FILIP1L: variants seen among roughly 807,000 people sequenced by gnomAD.
FILIP1L encodes the protein filamin A-interacting protein 1-like.
In FILIP1L, 55 loss-of-function variants were observed where a neutral mutation model predicts 96.6. That is an observed-to-expected ratio of 0.57 (90% CI 0.46 to 0.71). The LOEUF (loss-of-function observed/expected upper bound fraction) is 0.71, where lower values mean the gene tolerates loss of function less well. Ranked by LOEUF, FILIP1L falls within the 30% of genes least tolerant of loss-of-function variation. The pLI is 0.00. For synonymous variants in FILIP1L, 467 were observed against 473.9 expected (o/e 0.99, Z 0.19); for missense variants, 1,304 against 1,321.2 (o/e 0.99, Z 0.20).
chr3:100,064,047 G>A (rs549102668), intron 1 of FILIP1L, among the ~76,000 whole-genome samples: 50 of 152,326 alleles, frequency 3.3e-4, no homozygotes, highest in African/African-American at 1.2e-3. Flanking sequence ...TCTAGAAGCA[G>A]GTGGAAGAGT....
chr3:99,996,144 C>T (rs1022284432), intron 1 of FILIP1L, among the ~76,000 whole-genome samples: 6 of 152,178 alleles, frequency 3.9e-5, no homozygotes, highest in African/African-American at 1.4e-4. Flanking sequence ...ATAACAGCAC[C>T]CAGGTCACCT....
At chr3:100,081,058 C>G (rs1464885679) in intron 1 of FILIP1L, among the ~76,000 whole-genome samples, 3 of 152,324 alleles carry the variant, frequency 2.0e-5, no homozygotes, top group Non-Finnish European at 4.4e-5. Context: ...TTTAGACACT[C>G]TCAACAGCCA....
chr3:100,034,044 A>G (rs2065065184), intron 1 of FILIP1L, among the ~76,000 whole-genome samples: 1 of 152,230 alleles, frequency 6.6e-6, no homozygotes, highest in Non-Finnish European at 1.5e-5. Flanking sequence ...TCAACCCGCC[A>G]TGCGTTATTT....
At chr3:99,965,751 G>A (rs559617623) in intron 1 of FILIP1L, among the ~76,000 whole-genome samples, 10 of 152,322 alleles carry the variant, frequency 6.6e-5, no homozygotes, top group African/African-American at 2.2e-4. Flanking sequence ...TAGGTTAAAT[G>A]AAGGTTACCA....
At chr3:99,944,707 T>G (rs1194326563) in intron 1 of FILIP1L, among the ~76,000 whole-genome samples, 1 of 152,234 alleles carries the variant, frequency 6.6e-6, no homozygotes, top group Non-Finnish European at 1.5e-5. Flanking sequence ...AAGCCTACTT[T>G]CTAATGCCTG....
At chr3:100,079,390 TA>T (rs2065898515) in intron 1 of FILIP1L, among the ~76,000 whole-genome samples, 1 of 152,264 alleles carries the variant, frequency 6.6e-6, no homozygotes, top group African/African-American at 2.4e-5. Flanking sequence ...AGTTGCTTAG[TA>T]AATATTTGTT....
chr3:99,851,038 G>C lies in FILIP1L; in HGVS notation c.638C>G (p.Ser213Cys). The C allele has an allele frequency of 1.3e-6, 2 of 1,597,272 alleles. No homozygotes were observed. Among genetic ancestry groups the C allele is most frequent in the South Asian group, 2.3e-5 (2 of 87,656 alleles). ...CTTTTCTTGCTCCTTCTCCTCCTGA[G>C]ACTTGATTTCTTGATCAATTAGCTT... Reference protein sequence around the residue: ...LKKLIDQEIKSQEEKEQEKEK... With the variant: ...LKKLIDQEIKCQEEKEQEKEK... Residue 213 changes from serine (S) to cysteine (C), a missense_variant, in exon 5 of 6, where the codon TCT (serine) becomes TGT (cysteine). By Grantham distance (112) the Ser-to-Cys change is moderately radical (BLOSUM62 -1). Coordinates refer to ENST00000477258, the MANE Select transcript of FILIP1L (RefSeq NM_001387850.1).
chr3:100,103,219 A>T (rs1417708775), intron 1 of FILIP1L, among the ~76,000 whole-genome samples: 2 of 152,206 alleles, frequency 1.3e-5, no homozygotes, highest in Admixed American at 1.3e-4. Context: ...TTTTTGAAAG[A>T]AGCCCACTCA....
chr3:100,091,111 C>T (rs62285473), intron 1 of FILIP1L, among the ~76,000 whole-genome samples: 27,544 of 151,292 alleles, frequency 0.18, 2,892 homozygotes, highest in South Asian at 0.25. Flanking sequence ...CGGTGAAACC[C>T]CGTCTCTACT....
chr3:99,844,906 A>G (rs1194999066), intron 5 of FILIP1L, among the ~76,000 whole-genome samples: 1 of 152,144 alleles, frequency 6.6e-6, no homozygotes, highest in Non-Finnish European at 1.5e-5. Context: ...GCCTCCTGCC[A>G]TGATTGTAAG....
At chr3:99,963,908 G>A (rs1318047947) in intron 1 of FILIP1L, among the ~76,000 whole-genome samples, 1 of 152,052 alleles carries the variant, frequency 6.6e-6, no homozygotes, top group Non-Finnish European at 1.5e-5. Flanking sequence ...GAGCCACCGC[G>A]CCCAGCCACA....
chr3:99,994,101 T>C (rs896719647), intron 1 of FILIP1L, among the ~76,000 whole-genome samples: 1 of 152,198 alleles, frequency 6.6e-6, no homozygotes, highest in African/African-American at 2.4e-5. Flanking sequence ...ATCTTGTGCT[T>C]TTTGTTGTTG....
At chr3:99,914,760 G>A (rs530386109) in intron 4 of FILIP1L, among the ~76,000 whole-genome samples, 1 of 152,232 alleles carries the variant, frequency 6.6e-6, no homozygotes, top group Admixed American at 6.5e-5. Flanking sequence ...TCATTGGAAT[G>A]TGAGGCCATT....
chr3:100,007,323 A>G (rs1416820769), intron 1 of FILIP1L, among the ~76,000 whole-genome samples: 1 of 152,184 alleles, frequency 6.6e-6, no homozygotes, highest in African/African-American at 2.4e-5. Flanking sequence ...TTGACTAGAA[A>G]ACTAGTCCAT....
intron 5 of FILIP1L, chr3:99,833,180 G>A (rs1428611617): frequency 6.6e-7 from 1 of 1,518,246 alleles, no homozygotes; most frequent in Non-Finnish European, 9.1e-7. Context: ...GCTTAACCCA[G>A]TTCAACATGA....
intron 1 of FILIP1L, among the ~76,000 whole-genome samples, chr3:100,089,915 A>G (rs572131451): frequency 6.6e-6 from 1 of 152,276 alleles, no homozygotes; most frequent in South Asian, 2.1e-4. Context: ...GTAGGAATTG[A>G]CTCAGATGAT....
chr3:99,896,882 A>C (rs1203836847), intron 4 of FILIP1L, among the ~76,000 whole-genome samples: 1 of 152,228 alleles, frequency 6.6e-6, no homozygotes, highest in African/African-American at 2.4e-5. Context: ...AAATCAGTGT[A>C]TACAACGGGT....
At chr3:99,980,948 C>T (rs1332214646) in intron 1 of FILIP1L, among the ~76,000 whole-genome samples, 3 of 152,050 alleles carry the variant, frequency 2.0e-5, no homozygotes, top group African/African-American at 7.2e-5. Context: ...GTTTGCTGGA[C>T]AATTGGGACC....
chr3:99,834,565 A>G (rs948683709), intron 5 of FILIP1L, among the ~76,000 whole-genome samples: 3 of 152,234 alleles, frequency 2.0e-5, no homozygotes, highest in Non-Finnish European at 2.9e-5. Flanking sequence ...TGTTAAAATA[A>G]AATATACTAA....
Sources: gnomAD v4.1 joint callset for allele counts (sites outside exome capture counted in the v4.1 genomes callset) on GRCh38, gnomAD v4.1.1 for gene constraint, MANE v1.5 for transcripts, NCBI Gene and HGNC (gene_info 2026-07-23, HGNC 2026-07-21) for gene names.